TAFA4: variants seen among roughly 807,000 people sequenced by gnomAD.
TAFA4 encodes the protein TAFA chemokine like family member 4.
In TAFA4, 20 loss-of-function variants were observed where a neutral mutation model predicts 21.1. The ratio of observed to expected loss-of-function variants is 0.95; its 90% CI spans 0.67 to 1.38. TAFA4 has a LOEUF of 1.38. Ranked by LOEUF, TAFA4 falls within the 40% of genes most tolerant of loss-of-function variation. The probability of loss-of-function intolerance (pLI) is 0.00; values close to 1 mark genes in which losing one functional copy is unlikely to be tolerated. For missense variants in TAFA4, 211 were observed against 180.9 expected (o/e 1.17, Z -0.95); for synonymous variants, 71 against 67.4 (o/e 1.05, Z -0.26).
chr3:68,918,823 G>C (rs567928306), intron 1 of TAFA4, among the ~76,000 whole-genome samples: 6 of 152,312 alleles, frequency 3.9e-5, no homozygotes, highest in Admixed American at 3.9e-4. Flanking sequence ...TCACAGGTGT[G>C]AGCCACCATG....
chr3:68,921,505 A>G (rs995562649), intron 1 of TAFA4, among the ~76,000 whole-genome samples: 1 of 152,186 alleles, frequency 6.6e-6, no homozygotes, highest in African/African-American at 2.4e-5. Context: ...AATGCAGAAG[A>G]TAATTTATTC....
At chr3:68,743,873 G>C (rs1009788131) in intron 4 of TAFA4, among the ~76,000 whole-genome samples, 1 of 152,054 alleles carries the variant, frequency 6.6e-6, no homozygotes, top group Admixed American at 6.6e-5. Flanking sequence ...TAATATTTTA[G>C]ATTAGGAAGT....
intron 3 of TAFA4, among the ~76,000 whole-genome samples, chr3:68,828,889 C>A (rs1390251539): frequency 6.6e-6 from 1 of 152,096 alleles, no homozygotes; most frequent in African/African-American, 2.4e-5. Flanking sequence ...GGCCTGATTA[C>A]CCTGGCCAGA....
At chr3:68,899,244 A>C (rs2089821730) in intron 1 of TAFA4, among the ~76,000 whole-genome samples, 2 of 152,218 alleles carry the variant, frequency 1.3e-5, no homozygotes, top group Non-Finnish European at 2.9e-5. Context: ...TTAGTAGAAA[A>C]AAGAACTACC....
Position 68,809,253 on chromosome 3 carries a change from G to A in TAFA4, c.131-56235C>T, listed in dbSNP as rs185939428. On this transcript the variant is annotated intron_variant, in intron 3 of 5. Transcript: ENST00000295569. ...GTGAGCTTACACATTTTAAAGTACAGATCAAAACAATGAAAGCACAGAATC... is the reference window on the plus strand; with the variant it reads ...GTGAGCTTACACATTTTAAAGTACAAATCAAAACAATGAAAGCACAGAATC... 9.9e-4 allele frequency among the ~76,000 whole-genome samples: 151 copies of A among 152,196 alleles called. 1 individual carries two copies. The highest frequency in any genetic ancestry group is 3.4e-3 in the African/African-American group (143 of 41,530).
At chr3:68,734,398 T>C (rs760601851) in intron 5 of TAFA4, among the ~76,000 whole-genome samples, 12 of 151,924 alleles carry the variant, frequency 7.9e-5, no homozygotes, top group Non-Finnish European at 1.6e-4. Flanking sequence ...GGTAGTACGA[T>C]ACAGGAAAGA....
chr3:68,788,604 G>A (rs1003101036), intron 3 of TAFA4, among the ~76,000 whole-genome samples: 10 of 151,818 alleles, frequency 6.6e-5, no homozygotes, highest in Non-Finnish European at 1.5e-4. Context: ...AGTTTTAGGC[G>A]TTGTGTTTAC....
intron 1 of TAFA4, among the ~76,000 whole-genome samples, chr3:68,930,374 A>G (rs2090148340): frequency 1.3e-5 from 2 of 152,226 alleles, no homozygotes; most frequent in African/African-American, 4.8e-5. Flanking sequence ...AGAAATTGGC[A>G]GCCACTGCTT....
intron 2 of TAFA4, among the ~76,000 whole-genome samples, chr3:68,884,366 GGGT>G (rs1294277293): frequency 6.6e-6 from 1 of 152,142 alleles, no homozygotes; most frequent in Non-Finnish European, 1.5e-5. Flanking sequence ...AGGATCTGTG[GGGT>G]GGCCATCTCT....
chr3:68,881,931 T>C (rs774331201), intron 2 of TAFA4, among the ~76,000 whole-genome samples: 12 of 152,058 alleles, frequency 7.9e-5, no homozygotes, highest in Non-Finnish European at 1.6e-4. Flanking sequence ...CTCAGGGGAA[T>C]TGAATGCCAC....
chr3:68,802,428 G>A (rs1703597779), intron 3 of TAFA4, among the ~76,000 whole-genome samples: 1 of 151,112 alleles, frequency 6.6e-6, no homozygotes, highest in African/African-American at 2.4e-5. Flanking sequence ...TTTAGGGGAA[G>A]GGGGGTTGGC....
chr3:68,929,848 C>T (rs1243125977), intron 1 of TAFA4, among the ~76,000 whole-genome samples: 2 of 152,216 alleles, frequency 1.3e-5, no homozygotes, highest in African/African-American at 2.4e-5. Flanking sequence ...TTCCTTCTTT[C>T]CCTTATTCAT....
At chr3:68,811,815 TAC>T (rs1387823739) in intron 3 of TAFA4, among the ~76,000 whole-genome samples, 4 of 151,898 alleles carry the variant, frequency 2.6e-5, no homozygotes, top group African/African-American at 4.8e-5. Flanking sequence ...ATTCAGGAAA[TAC>T]AGAGAACACC....
intron 3 of TAFA4, among the ~76,000 whole-genome samples, chr3:68,836,484 A>C (rs1575633046): frequency 6.6e-6 from 1 of 152,234 alleles, no homozygotes; most frequent in African/African-American, 2.4e-5. Flanking sequence ...AAGGGTCACT[A>C]AACTGTATCA....
At chr3:68,835,545 G>C (rs1704503273) in intron 3 of TAFA4, among the ~76,000 whole-genome samples, 1 of 152,202 alleles carries the variant, frequency 6.6e-6, no homozygotes, top group Non-Finnish European at 1.5e-5. Context: ...AAATTGTAAA[G>C]TTATGATTTC....
At chr3:68,800,192 C>G (rs551537694) in intron 3 of TAFA4, among the ~76,000 whole-genome samples, 3 of 151,982 alleles carry the variant, frequency 2.0e-5, no homozygotes, top group Non-Finnish European at 4.4e-5. Context: ...ATCCCAAAAC[C>G]ATCCTTCCAT....
intron 3 of TAFA4, among the ~76,000 whole-genome samples, chr3:68,816,779 TC>T (rs1180736478): frequency 6.6e-6 from 1 of 151,102 alleles, no homozygotes; most frequent in African/African-American, 2.4e-5. Flanking sequence ...AGTTTTTATT[TC>T]CCCGTGCATA....
At chr3:68,783,846 G>C (rs1404455842) in intron 3 of TAFA4, among the ~76,000 whole-genome samples, 1 of 152,108 alleles carries the variant, frequency 6.6e-6, no homozygotes, top group African/African-American at 2.4e-5. Flanking sequence ...AAAGATTGTT[G>C]AGACTTCAGT....
At chr3:68,806,279 A>T (rs537004033) in intron 3 of TAFA4, among the ~76,000 whole-genome samples, 1 of 152,162 alleles carries the variant, frequency 6.6e-6, no homozygotes, top group South Asian at 2.1e-4. Flanking sequence ...ACTAGTAGAT[A>T]GAAGAAGAGA....
Sources: gnomAD v4.1 joint callset for allele counts (sites outside exome capture counted in the v4.1 genomes callset) on GRCh38, gnomAD v4.1.1 for gene constraint, MANE v1.5 for transcripts, NCBI Gene and HGNC (gene_info 2026-07-23, HGNC 2026-07-21) for gene names.